AKAP17A: variants seen among roughly 807,000 people sequenced by gnomAD.
AKAP17A encodes the protein A-kinase anchoring protein 17A.
AKAP17A carries 15 observed loss-of-function variants against 52.2 expected under a neutral mutation model. The ratio of observed to expected loss-of-function variants is 0.29; its 90% CI spans 0.19 to 0.44. The LOEUF (loss-of-function observed/expected upper bound fraction) is 0.44. Ranked by LOEUF, AKAP17A falls within the 20% of genes least tolerant of loss-of-function variation. The probability of loss-of-function intolerance (pLI) is 1.00; values close to 1 mark genes in which losing one functional copy is unlikely to be tolerated. For missense variants in AKAP17A, 1,060 were observed against 1,007.0 expected, an observed-to-expected ratio of 1.05 and a Z score of -0.71; for synonymous variants, 514 against 424.7, an observed-to-expected ratio of 1.21 and a Z score of -2.58.
At position 1,602,242 on chromosome X, in the gene AKAP17A, A is replaced by G. The variant is rs1444631665; in HGVS notation, c.*648A>G. The G allele has an allele frequency of 9.2e-5, 14 of 152,302 alleles. No individual in the cohort carries two copies. The highest frequency in any genetic ancestry group is 3.1e-4 in the African/African-American group (13 of 41,558). 9.4% of individuals were successfully genotyped at this position (152,302 alleles called of 1,614,324 possible). A position where few individuals can be genotyped will look rare whatever the true frequency, so the allele number is the denominator to read the frequency against. On this transcript the variant is annotated 3_prime_UTR_variant, in exon 5 of 5. Transcript: ENST00000313871. The stretch of plus-strand genomic sequence containing the variant: ...CCTTCAAAAACATTCACTTTTTACA[A>G]CGTCAAGGAATTAAGCATAAAAAAG...
At chrX:1,600,310 C>T (rs1183205500) in intron 4 of AKAP17A, 23 of 842,050 alleles carry the variant, frequency 2.7e-5, no homozygotes, top group East Asian at 7.6e-5. Flanking sequence ...TGCTGGCGGC[C>T]GCTTGTGACC....
chrX:1,593,349 C>T, intron 1 of AKAP17A, 95 bp from the exon 2 acceptor site: 2 of 1,262,690 alleles, frequency 1.6e-6, no homozygotes, highest in South Asian at 1.4e-5. Context: ...TGTTTCTCTT[C>T]TCCGGGTCCA....
chrX:1,599,603 C>A lies in AKAP17A; in HGVS notation c.1152+171C>A, dbSNP rs1369620723. 7.5e-6 allele frequency: 7 copies of A among 930,536 alleles called. No homozygotes were observed. The African/African-American group carries it at 9.8e-5, about 13-fold the overall frequency. 57.6% of individuals were successfully genotyped at this position (930,536 alleles called of 1,614,324 possible). ...CTCCTTCCCGGGAGGGTGTAGCGCT[C>A]GTCTGTCGTTCCCGATGATTTCAGA... On this transcript the variant is annotated intron_variant, in intron 4 of 4. Transcript: ENST00000313871.
At chrX:1,599,648 G>C (rs1388671801) in intron 4 of AKAP17A, 38 of 761,298 alleles carry the variant, frequency 5.0e-5, no homozygotes, top group Non-Finnish European at 8.2e-5. Flanking sequence ...GTTTCCTTTT[G>C]CAAAGCTGGT....
intron 1 of AKAP17A, among the ~76,000 whole-genome samples, chrX:1,592,477 C>T (rs1220647235): frequency 6.6e-6 from 1 of 151,666 alleles, no homozygotes; most frequent in African/African-American, 2.4e-5. Flanking sequence ...TTGCTGGGGC[C>T]GCTTGGGTTC....
In AKAP17A at chrX:1,601,739, G is replaced by A. The variant is rs1933398635; in HGVS notation, c.*145G>A. On this transcript the variant is annotated 3_prime_UTR_variant, in exon 5 of 5. Coordinates refer to ENST00000313871, the MANE Select transcript of AKAP17A (RefSeq NM_005088.3). ...GAATGTCCACGGAGCCCGCCGGCAGGAAGGAAGACACCATGCTTTAGAGAT... is the reference window on the plus strand; with the variant it reads ...GAATGTCCACGGAGCCCGCCGGCAGAAAGGAAGACACCATGCTTTAGAGAT... 2 of 678,640 alleles carry A rather than the reference G, an allele frequency of 2.9e-6. No homozygotes were observed. The highest frequency in any genetic ancestry group is 4.3e-6 in the Non-Finnish European group (2 of 460,202). The allele number at this position is 678,640 out of a possible 1,614,324, so 42.0% of individuals were successfully genotyped here. A position where few individuals can be genotyped will look rare whatever the true frequency, so the allele number is the denominator to read the frequency against.
Position 1,593,855 on chromosome X carries a change from C to T in AKAP17A, c.393C>T (p.Phe131=), listed in dbSNP as rs1163990722. The change falls in exon 2 of 5, where the codon TTC becomes TTT. Residue 131 remains phenylalanine (F), a synonymous_variant. Coordinates refer to ENST00000313871, the MANE Select transcript of AKAP17A (RefSeq NM_005088.3). ...FPTRHDWDSF[F]RDAKDMNETL... Reference sequence around the variant, plus strand: ...CCCGCCACGACTGGGACTCCTTCTTCCGCGACGCCAAGGACATGAACGAGA... The same window carrying T: ...CCCGCCACGACTGGGACTCCTTCTTTCGCGACGCCAAGGACATGAACGAGA... The T allele has an allele frequency of 5.6e-6, 9 of 1,612,686 alleles. No individual in the cohort carries two copies. Among genetic ancestry groups the T allele is most frequent in the Non-Finnish European group, 7.6e-6 (9 of 1,179,164 alleles).
At position 1,591,951 on chromosome X, in the gene AKAP17A, G is replaced by T. The variant is rs1364352835; in HGVS notation, c.-20+182G>T. On this transcript the variant is annotated intron_variant, in intron 1 of 4. Coordinates refer to ENST00000313871, the MANE Select transcript of AKAP17A (RefSeq NM_005088.3). ...TGGGAGCGCCTGAAACTGTACGGGG[G>T]AATCGGGGGCTGGGGAGGTCTGCGG... is the stretch of plus-strand genomic sequence containing the variant. Among the ~76,000 whole-genome samples, 350 of 131,974 alleles carry T rather than the reference G, an allele frequency of 2.7e-3. 2 individuals carry two copies. Among genetic ancestry groups the T allele is most frequent in the Non-Finnish European group, 3.0e-3 (181 of 61,158 alleles). The allele number at this position is 131,974 out of a possible 152,430, so 86.6% of individuals were successfully genotyped here.
At chrX:1,600,611 G>A (rs1340144069) in intron 4 of AKAP17A, 48 bp from the exon 5 acceptor site, 34 of 1,472,578 alleles carry the variant, frequency 2.3e-5, no homozygotes, top group Middle Eastern at 2.4e-4. Flanking sequence ...CCACGTGTCC[G>A]GCCAGGCTCA....
Position 1,592,781 on chromosome X carries a change from T to C in AKAP17A, c.-19-663T>C, listed in dbSNP as rs180828339. Among the ~76,000 whole-genome samples, 482 of 152,218 alleles carry C rather than the reference T, an allele frequency of 3.2e-3. 2 individuals are homozygous for C. Among genetic ancestry groups the C allele is most frequent in the African/African-American group, 0.011 (462 of 41,534 alleles). On this transcript the variant is annotated intron_variant, in intron 1 of 4. Coordinates refer to ENST00000313871, the MANE Select transcript of AKAP17A (RefSeq NM_005088.3). ...GCTCAGCAGGGAAGAGGTGGGTTAA[T>C]GAAGGTGGGCGGAGAAAGAAGGCGC...
At position 1,596,545 on chromosome X, in the gene AKAP17A, TCCCTCC is replaced by T. The variant is rs1932994962; in HGVS notation, c.911+1015_911+1020del. The stretch of plus-strand genomic sequence containing the variant: ...GCGGAATCCTCCTCTTCCTCCTCCA[TCCCTCC>T]CACCCTCCTAGTGAGGTGGATTCCT... On this transcript the variant is annotated intron_variant, in intron 3 of 4. Transcript: ENST00000313871. Among the ~76,000 whole-genome samples, 3 of 103,522 alleles carry T rather than the reference TCCCTCC, an allele frequency of 2.9e-5. 1 individual carries two copies. The highest frequency in any genetic ancestry group is 1.4e-4 in the African/African-American group (3 of 21,720). 67.9% of individuals were successfully genotyped at this position (103,522 alleles called of 152,430 possible). A position where few individuals can be genotyped will look rare whatever the true frequency, so the allele number is the denominator to read the frequency against.
At chrX:1,599,950 C>T in intron 4 of AKAP17A, 1 of 482,626 alleles carries the variant, frequency 2.1e-6, no homozygotes, top group South Asian at 1.9e-5. Context: ...ACGACCCCCT[C>T]AGCACCAAGA....
In AKAP17A at chrX:1,595,591, G is replaced by C. The variant is rs1333550808; in HGVS notation, c.911+59G>C. On this transcript the variant is annotated intron_variant, in intron 3 of 4. Coordinates refer to ENST00000313871, the MANE Select transcript of AKAP17A (RefSeq NM_005088.3). ...TGTCCGGCACCTGGGAGTGTGCGCA[G>C]ACCCGTGTGCGTGTGTCTGCATGTA... 1.4e-5 allele frequency: 23 copies of C among 1,607,772 alleles called. No individual in the cohort carries two copies. In the Admixed American group the frequency reaches 3.5e-4, roughly 25 times the overall value.
intron 4 of AKAP17A, chrX:1,600,275 C>T: frequency 9.1e-7 from 1 of 1,103,812 alleles, no homozygotes. Context: ...TGGCATGCGT[C>T]TGCGGCGTCA....
At position 1,593,784 on chromosome X, in the gene AKAP17A, G is replaced by A. The variant is rs1302375114; in HGVS notation, c.322G>A (p.Asp108Asn). The A allele has an allele frequency of 1.2e-5, 20 of 1,613,642 alleles. No individual in the cohort carries two copies. Among genetic ancestry groups the A allele is most frequent in the African/African-American group, 2.7e-5 (2 of 75,030 alleles). The change falls in exon 2 of 5, where the codon GAC becomes AAC. Residue 108 changes from aspartate to asparagine, a missense_variant. Coordinates refer to ENST00000313871, the MANE Select transcript of AKAP17A (RefSeq NM_005088.3). Reference protein sequence around the residue: ...GKTIKLSGFSDILKVRAAEFK... With the variant: ...GKTIKLSGFSNILKVRAAEFK... ...GACCATCAAGCTCAGCGGCTTCTCC[G>A]ACATCCTGAAGGTGCGCGCGGCCGA...
In AKAP17A at chrX:1,600,639, C is replaced by T. The variant is rs1933308886; in HGVS notation, c.1153-20C>T. The T allele has an allele frequency of 2.6e-6, 4 of 1,519,780 alleles. 1 individual carries two copies. The highest frequency in any genetic ancestry group is 1.2e-5 in the South Asian group (1 of 81,430). The allele number at this position is 1,519,780 out of a possible 1,614,324, so 94.1% of individuals were successfully genotyped here. A position where few individuals can be genotyped will look rare whatever the true frequency, so the allele number is the denominator to read the frequency against. ...CAGGCTCAGGAACCGGGCTCAGCTG[C>T]ACTTTCCTCTTCCCCGCAGGCTGTG... On this transcript the variant is annotated intron_variant, in intron 4 of 4. Transcript: ENST00000313871.
Position 1,597,824 on chromosome X carries a change from G to A in AKAP17A, c.912-1368G>A, listed in dbSNP as rs1369510427. Among the ~76,000 whole-genome samples the A allele has an allele frequency of 9.9e-5, 15 of 152,194 alleles. No homozygotes were observed. The East Asian group carries it at 1.7e-3, about 18-fold the overall frequency. ...TGGCCAGACCACAGAGGGATTGGGG[G>A]AAGCGGGGCCGGGCCATGAGGTTCT... On this transcript the variant is annotated intron_variant, in intron 3 of 4. Transcript: ENST00000313871.
chrX:1,600,926 G>A lies in AKAP17A; in HGVS notation c.1420G>A (p.Val474Met), dbSNP rs771861226. The change falls in exon 5 of 5, where the codon GTG becomes ATG. Residue 474 changes from valine (V) to methionine (M), a missense_variant. Around this residue, in one of 2 missense-constraint regions of AKAP17A, gnomAD observed 793 missense variants for 629.9 expected, o/e 1.26. Transcript: ENST00000313871. The part of the protein sequence containing the change: ...LQPVLDILQT[V>M]SSGCVSATTL... ...GCCCGTCCTGGACATCCTGCAGACC[G>A]TGTCGTCCGGCTGTGTGAGCGCCAC... 24 of 1,574,990 alleles carry A rather than the reference G, an allele frequency of 1.5e-5. No homozygotes were observed. Among genetic ancestry groups the A allele is most frequent in the Admixed American group, 7.4e-5 (4 of 54,134 alleles).
rs1325579859 is a variant in AKAP17A at position 1,591,624 on chromosome X, ACGGCGGTGG to A, written c.-159_-151del. On this transcript the variant is annotated 5_prime_UTR_variant, in exon 1 of 5. Transcript: ENST00000313871. ...AATGCGTCATAGAGGGCGGGCGGCG[ACGGCGGTGG>A]CGGCGTCGGAGGCGCCTCCGGGGGA... The A allele has an allele frequency of 2.0e-5, 3 of 152,086 alleles. No individual in the cohort carries two copies. 9.4% of individuals were successfully genotyped at this position (152,086 alleles called of 1,614,324 possible). A position where few individuals can be genotyped will look rare whatever the true frequency, so the allele number is the denominator to read the frequency against.
Sources: gnomAD v4.1 joint callset for allele counts (sites outside exome capture counted in the v4.1 genomes callset) on GRCh38, gnomAD v4.1.1 for gene constraint, gnomAD v4.1.1 regional missense constraint, MANE v1.5 for transcripts, NCBI Gene and HGNC (gene_info 2026-07-23, HGNC 2026-07-21) for gene names.